The following CTNND2 variants were observed in gnomAD, a reference collection of about 807,000 sequenced individuals.
CTNND2 encodes catenin delta 2.
In CTNND2, 22 loss-of-function variants were observed where a neutral mutation model predicts 144.4. The ratio of observed to expected loss-of-function variants is 0.15; its 90% CI spans 0.11 to 0.22. The LOEUF is 0.22. CTNND2 is among the 10% of genes least tolerant of loss of function. CTNND2 has a pLI of 1.00. For synonymous variants in CTNND2, 751 were observed against 695.6 expected, an observed-to-expected ratio of 1.08 and a Z score of -1.25; for missense variants, 1,353 against 1,618.8, an observed-to-expected ratio of 0.84 and a Z score of 2.82.
chr5:11,146,599 C>T (rs1310909566), intron 12 of CTNND2, among the ~76,000 whole-genome samples: 1 of 152,182 alleles, frequency 6.6e-6, no homozygotes, highest in Non-Finnish European at 1.5e-5. Context: ...GTCCACAAAG[C>T]ACTAGAGTGA....
rs372283054 is a variant in CTNND2 at position 11,748,328 on chromosome 5, C to T, written c.38-16056G>A. On this transcript the variant is annotated intron_variant, in intron 1 of 21. Transcript: ENST00000304623. ...CACATGACTTTAAAAGTAAGCTGTGCTTAGGAGTTAAATCTAAATTATATA... is the reference window on the plus strand; with the variant it reads ...CACATGACTTTAAAAGTAAGCTGTGTTTAGGAGTTAAATCTAAATTATATA... 1.8e-4 allele frequency among the ~76,000 whole-genome samples: 27 copies of T among 152,122 alleles called. No homozygotes were observed. The South Asian group carries it at 2.3e-3, about 13-fold the overall frequency.
At position 11,383,565 on chromosome 5, in the gene CTNND2, C is replaced by T. The variant is rs1413319389; in HGVS notation, c.1177+1100G>A. ...ATTTTGTGGGCAGTGGCACCCTAGC[C>T]TGCATCCTGTTAGGCCAGGCCAGTC... On this transcript the variant is annotated intron_variant, in intron 7 of 21. Transcript: ENST00000304623. Among the ~76,000 whole-genome samples, 20 of 152,210 alleles carry T rather than the reference C, an allele frequency of 1.3e-4. 1 individual carries two copies. The highest frequency in any genetic ancestry group is 1.3e-3 in the Admixed American group (20 of 15,288).
chr5:11,066,444 C>A (rs1014406455), intron 16 of CTNND2, among the ~76,000 whole-genome samples: 3 of 151,830 alleles, frequency 2.0e-5, no homozygotes, highest in Non-Finnish European at 2.9e-5. Flanking sequence ...TTACCTACAG[C>A]CCCCCTCACT....
intron 1 of CTNND2, among the ~76,000 whole-genome samples, chr5:11,882,893 T>C (rs1736231858): frequency 6.6e-6 from 1 of 152,190 alleles, no homozygotes; most frequent in South Asian, 2.1e-4. Flanking sequence ...TAGATTTCTT[T>C]AGTAGTATGG....
chr5:11,259,777 A>G (rs1413150506), intron 9 of CTNND2, among the ~76,000 whole-genome samples: 1 of 152,224 alleles, frequency 6.6e-6, no homozygotes, highest in African/African-American at 2.4e-5. Context: ...TCAGACAGGA[A>G]TAAAAGATCT....
chr5:11,004,486 G>A (rs868669244), intron 18 of CTNND2, among the ~76,000 whole-genome samples: 16 of 152,266 alleles, frequency 1.1e-4, no homozygotes, highest in African/African-American at 3.1e-4. Flanking sequence ...CTGACAGGCC[G>A]GGCGCAGTGG....
chr5:11,492,505 A>ATGTGTG (rs33995105), intron 3 of CTNND2, among the ~76,000 whole-genome samples: 5 of 140,358 alleles, frequency 3.6e-5, no homozygotes, highest in African/African-American at 8.3e-5. Flanking sequence ...ATATATATAT[A>ATGTGTG]TGTGTGTGTG....
At chr5:11,633,698 C>T (rs1390836959) in intron 2 of CTNND2, among the ~76,000 whole-genome samples, 2 of 151,676 alleles carry the variant, frequency 1.3e-5, no homozygotes, top group Non-Finnish European at 2.9e-5. Context: ...ATTTCTTGAA[C>T]CTGAGAGGCA....
intron 3 of CTNND2, among the ~76,000 whole-genome samples, chr5:11,477,347 C>T (rs1767840710): frequency 6.6e-6 from 1 of 151,526 alleles, no homozygotes; most frequent in Non-Finnish European, 1.5e-5. Flanking sequence ...GGAGACTCAA[C>T]CCAAGGAAAA....
chr5:11,715,505 G>T (rs1004112087), intron 2 of CTNND2, among the ~76,000 whole-genome samples: 3 of 152,142 alleles, frequency 2.0e-5, no homozygotes, highest in African/African-American at 7.2e-5. Flanking sequence ...GCCTTTTTAA[G>T]AAAGGAAAAG....
rs1736367565 is a variant in CTNND2 at position 10,975,598 on chromosome 5, A to T, written c.3418-1885T>A. ...TGGAACTGGAACATACGGCTGGCTGACTCTAAAACCCAGGTGTTCTACCAA... is the reference window on the plus strand; with the variant it reads ...TGGAACTGGAACATACGGCTGGCTGTCTCTAAAACCCAGGTGTTCTACCAA... On this transcript the variant is annotated intron_variant, in intron 21 of 21. Coordinates refer to ENST00000304623, the MANE Select transcript of CTNND2 (RefSeq NM_001332.4). Among the ~76,000 whole-genome samples, 7 of 152,252 alleles carry T rather than the reference A, an allele frequency of 4.6e-5. No individual in the cohort carries two copies. The South Asian group carries it at 1.5e-3, about 32-fold the overall frequency.
intron 3 of CTNND2, among the ~76,000 whole-genome samples, chr5:11,414,951 T>C (rs1761822357): frequency 6.6e-6 from 1 of 152,224 alleles, no homozygotes; most frequent in Non-Finnish European, 1.5e-5. Flanking sequence ...CATGGCTGCA[T>C]AGTATTCCAT....
intron 11 of CTNND2, among the ~76,000 whole-genome samples, chr5:11,182,336 T>C (rs564972652): frequency 6.6e-6 from 1 of 152,018 alleles, no homozygotes; most frequent in African/African-American, 2.4e-5. Context: ...ATTGCACAGG[T>C]ATGTTTGCAT....
intron 14 of CTNND2, among the ~76,000 whole-genome samples, chr5:11,099,439 G>T (rs1322440569): frequency 6.6e-6 from 1 of 152,138 alleles, no homozygotes; most frequent in African/African-American, 2.4e-5. Flanking sequence ...AGAAATTATG[G>T]CTTACACGCA....
chr5:11,602,960 A>G (rs1446658569), intron 2 of CTNND2, among the ~76,000 whole-genome samples: 1 of 151,780 alleles, frequency 6.6e-6, no homozygotes. Context: ...ACATTACAAC[A>G]TAATACGTAA....
intron 16 of CTNND2, among the ~76,000 whole-genome samples, chr5:11,049,019 T>G (rs1015573941): frequency 2.6e-5 from 4 of 152,186 alleles, no homozygotes; most frequent in Non-Finnish European, 5.9e-5. Context: ...CAAAAAATGT[T>G]TTCTGATATT....
At chr5:11,855,906 G>T (rs1010422910) in intron 1 of CTNND2, among the ~76,000 whole-genome samples, 4 of 152,174 alleles carry the variant, frequency 2.6e-5, no homozygotes, top group African/African-American at 9.7e-5. Context: ...GAGAATAAAG[G>T]ATATTGCCGG....
chr5:11,231,538 C>G (rs1034875774), intron 10 of CTNND2, among the ~76,000 whole-genome samples: 20 of 152,154 alleles, frequency 1.3e-4, no homozygotes, highest in African/African-American at 4.6e-4. Context: ...AAGAGACTGG[C>G]AGCATTTTGC....
intron 5 of CTNND2, among the ~76,000 whole-genome samples, chr5:11,398,760 A>G (rs1760368590): frequency 1.3e-5 from 2 of 152,204 alleles, no homozygotes; most frequent in South Asian, 4.1e-4. Flanking sequence ...AAAAAAAATC[A>G]TTTATTCTGT....
Sources: allele counts gnomAD v4.1 joint callset (sites outside exome capture counted in the v4.1 genomes callset), GRCh38; gene constraint gnomAD v4.1.1; transcripts MANE v1.5; gene names NCBI Gene and HGNC (gene_info 2026-07-23, HGNC 2026-07-21).